The following ARVCF variants were observed in gnomAD, a reference collection of about 807,000 sequenced individuals.
The protein encoded by ARVCF is ARVCF delta catenin family member.
A neutral mutation model predicts 90.9 loss-of-function variants in ARVCF; 66 were observed. That is an observed-to-expected ratio of 0.73 (90% confidence interval 0.60 to 0.89). The LOEUF (loss-of-function observed/expected upper bound fraction) is 0.89. Ranked by LOEUF, ARVCF falls within the 40% of genes least tolerant of loss-of-function variation. The probability of loss-of-function intolerance (pLI) is 0.00; values close to 1 mark genes in which losing one functional copy is unlikely to be tolerated. For missense variants in ARVCF, 1,469 were observed against 1,382.3 expected, an observed-to-expected ratio of 1.06 and a Z score of -1.00; for synonymous variants, 653 against 603.4, an observed-to-expected ratio of 1.08 and a Z score of -1.21.
At chr22:19,975,295 G>T (rs142983856) in intron 11 of ARVCF, among the ~76,000 whole-genome samples, 1 of 152,334 alleles carries the variant, frequency 6.6e-6, no homozygotes, top group Non-Finnish European at 1.5e-5. Context: ...CCCAGCCTCT[G>T]AACCTGGATG....
downstream of ARVCF, chr22:19,965,378 T>G (rs1942333459): frequency 6.6e-6 from 1 of 152,226 alleles, no homozygotes; most frequent in Non-Finnish European, 1.5e-5. Flanking sequence ...AGTCTTGCTC[T>G]GTCACCAGGC....
Position 19,990,445 on chromosome 22 carries a change from G to T in ARVCF, c.210+140C>A, listed in dbSNP as rs144051912. 1.4e-5 allele frequency: 15 copies of T among 1,074,358 alleles called. No individual in the cohort carries two copies. The African/African-American group carries it at 1.4e-4, about 10-fold the overall frequency. The allele number at this position is 1,074,358 out of a possible 1,614,324, so 66.6% of individuals were successfully genotyped here. A position where few individuals can be genotyped will look rare whatever the true frequency, so the allele number is the denominator to read the frequency against. On this transcript the variant is annotated intron_variant, in intron 3 of 19. Coordinates refer to ENST00000263207, the MANE Select transcript of ARVCF (RefSeq NM_001670.3). ...AAGTGGGACTTCCAGCCCAACCTGG[G>T]ATCCCATTTTCCTTTCCTCCCCAGG...
downstream of ARVCF, chr22:19,969,212 T>C: frequency 6.2e-6 from 1 of 160,082 alleles, no homozygotes; most frequent in East Asian, 1.8e-4. Flanking sequence ...TCAGCCCTCC[T>C]GCAGCTAGGC....
intron 1 of ARVCF, among the ~76,000 whole-genome samples, chr22:20,015,991 C>T (rs1945093912): frequency 6.6e-6 from 1 of 152,192 alleles, no homozygotes; most frequent in African/African-American, 2.4e-5. Flanking sequence ...GTGGAGATGA[C>T]ATGTCTCCGC....
At position 19,971,211 on chromosome 22, in the gene ARVCF, C is replaced by T. The variant is rs561736400; in HGVS notation, c.*12+5G>A. ...GTGGACGAACAACCAGATGAGAGAACGTACCAGGCATGCAAGCTAGACCCA... is the reference window on the plus strand; with the variant it reads ...GTGGACGAACAACCAGATGAGAGAATGTACCAGGCATGCAAGCTAGACCCA... On this transcript the variant is annotated splice_donor_5th_base_variant and intron_variant, in intron 19 of 19. Coordinates refer to ENST00000263207, the MANE Select transcript of ARVCF (RefSeq NM_001670.3). 12 of 1,552,110 alleles carry T rather than the reference C, an allele frequency of 7.7e-6. No homozygotes were observed. The highest frequency in any genetic ancestry group is 3.9e-5 in the Admixed American group (2 of 51,092).
At chr22:20,016,415 G>T (rs1945163675) in intron 1 of ARVCF, among the ~76,000 whole-genome samples, 174 bp downstream of exon 1, 2 of 152,126 alleles carry the variant, frequency 1.3e-5, no homozygotes, top group South Asian at 2.1e-4. Flanking sequence ...GTGGGGCGGA[G>T]ATTGGCTCCG....
chr22:19,977,947 T>C lies in ARVCF; in HGVS notation c.1698+11A>G. On this transcript the variant is annotated intron_variant, in intron 8 of 19. Transcript: ENST00000263207. Reference sequence around the variant, plus strand: ...AGCCCTTGGTATGAGGCTGTGACCGTCCCTGCCCACCTTGTTGTCAGTGTC... The same window carrying C: ...AGCCCTTGGTATGAGGCTGTGACCGCCCCTGCCCACCTTGTTGTCAGTGTC... 1 of 1,598,090 alleles carries C rather than the reference T, an allele frequency of 6.3e-7. No homozygotes were observed. Among genetic ancestry groups the C allele is most frequent in the Non-Finnish European group, 8.5e-7 (1 of 1,171,776 alleles).
chr22:19,973,159 C>A lies in ARVCF; in HGVS notation c.2398G>T (p.Ala800Ser), dbSNP rs765817985. Residue 800 changes from alanine (A) to serine (S), a missense_variant, in exon 14 of 20, where the codon GCA (alanine) becomes TCA (serine). By Grantham distance (99) the Ala-to-Ser change is moderately conservative. Coordinates refer to ENST00000263207, the MANE Select transcript of ARVCF (RefSeq NM_001670.3). Reference protein sequence around the residue: ...SLDNARSLLQARGVPALVALV... With the variant: ...SLDNARSLLQSRGVPALVALV... ...GCCACCAACGCTGGCACCCCGCGTG[C>A]CTGCAGGAGCGAGCGCGCGTTATCC... 1.2e-5 allele frequency: 19 copies of A among 1,608,366 alleles called. No homozygotes were observed. In the East Asian group the frequency reaches 4.0e-4, roughly 34 times the overall value.
In ARVCF at chr22:19,970,756, A is replaced by G; in HGVS notation, c.*13-13T>C. 1.5e-6 allele frequency: 2 copies of G among 1,290,930 alleles called. No individual in the cohort carries two copies. Among genetic ancestry groups the G allele is most frequent in the Non-Finnish European group, 2.0e-6 (2 of 989,728 alleles). The allele number at this position is 1,290,930 out of a possible 1,614,324, so 80.0% of individuals were successfully genotyped here. A position where few individuals can be genotyped will look rare whatever the true frequency, so the allele number is the denominator to read the frequency against. On this transcript the variant is annotated splice_polypyrimidine_tract_variant and intron_variant, in intron 19 of 19. Transcript: ENST00000263207. Reference sequence around the variant, plus strand: ...CTGGGCCTGGGCCCTGCAGAGGGAAAGGGGATGGTGGACGCTGCAGCCACT... The same window carrying G: ...CTGGGCCTGGGCCCTGCAGAGGGAAGGGGGATGGTGGACGCTGCAGCCACT...
At chr22:19,987,983 G>C (rs920787818) in intron 3 of ARVCF, among the ~76,000 whole-genome samples, 1 of 152,146 alleles carries the variant, frequency 6.6e-6, no homozygotes, top group Non-Finnish European at 1.5e-5. Context: ...CCCCACAAAG[G>C]CCAAGCCAAT....
intron 2 of ARVCF, among the ~76,000 whole-genome samples, chr22:19,992,105 C>G (rs1038178144): frequency 6.6e-6 from 1 of 152,214 alleles, no homozygotes; most frequent in Non-Finnish European, 1.5e-5. Flanking sequence ...CAACACGGTG[C>G]GGGGACATGG....
rs1444125409 is a variant in ARVCF at position 19,970,739 on chromosome 22, G to T, written c.*17C>A. 1.1e-5 allele frequency: 14 copies of T among 1,290,562 alleles called. No homozygotes were observed. Among genetic ancestry groups the T allele is most frequent in the Admixed American group, 2.3e-5 (1 of 43,556 alleles). The allele number at this position is 1,290,562 out of a possible 1,614,324, so 79.9% of individuals were successfully genotyped here. A position where few individuals can be genotyped will look rare whatever the true frequency, so the allele number is the denominator to read the frequency against. ...GCCCTAAGAACAAGAGGCTGGGCCT[G>T]GGCCCTGCAGAGGGAAAGGGGATGG... On this transcript the variant is annotated 3_prime_UTR_variant, in exon 20 of 20. Coordinates refer to ENST00000263207, the MANE Select transcript of ARVCF (RefSeq NM_001670.3).
intron 10 of ARVCF, among the ~76,000 whole-genome samples, chr22:19,976,276 G>A (rs536375804): frequency 3.6e-4 from 55 of 152,254 alleles, no homozygotes; most frequent in South Asian, 1.5e-3. Flanking sequence ...GCTTGCACAC[G>A]TCTGTGACAG....
At position 19,971,222 on chromosome 22, in the gene ARVCF, T is replaced by C. The variant is rs779822547; in HGVS notation, c.*6A>G. On this transcript the variant is annotated 3_prime_UTR_variant, in exon 19 of 20. Transcript: ENST00000263207. ...ACCAGATGAGAGAACGTACCAGGCA[T>C]GCAAGCTAGACCCAGGAATCAACGG... is the stretch of plus-strand genomic sequence containing the variant. 7.1e-6 allele frequency: 11 copies of C among 1,552,780 alleles called. No homozygotes were observed. In the East Asian group the frequency reaches 7.3e-5, roughly 10 times the overall value.
intron 10 of ARVCF, 89 bp downstream of exon 10, chr22:19,976,617 G>C: frequency 1.3e-6 from 2 of 1,495,004 alleles, no homozygotes; most frequent in Admixed American, 4.0e-5. Context: ...CAGGGGTGGG[G>C]CAGGGCCCTG....
chr22:19,975,262 T>C (rs569900321), intron 11 of ARVCF, among the ~76,000 whole-genome samples: 2 of 152,312 alleles, frequency 1.3e-5, no homozygotes, highest in Non-Finnish European at 2.9e-5. Flanking sequence ...GGCACTGCCC[T>C]GTCCCTGCAG....
intron 1 of ARVCF, among the ~76,000 whole-genome samples, chr22:20,015,415 C>T (rs1408423917): frequency 2.6e-5 from 4 of 152,148 alleles, no homozygotes; most frequent in Non-Finnish European, 4.4e-5. Flanking sequence ...AGGAGCTGAC[C>T]GGCCACTGGC....
chr22:19,968,616 C>T (rs567830018), downstream of ARVCF: 44 of 1,613,960 alleles, frequency 2.7e-5, no homozygotes, highest in South Asian at 4.4e-5. Context: ...TCCTAGCACA[C>T]GTGCGCGGGA....
rs1236724843 is a variant in ARVCF, at chr22:19,970,749, G to A, written c.*13-6C>T. 3 of 1,291,100 alleles carry A rather than the reference G, an allele frequency of 2.3e-6. No homozygotes were observed. Among genetic ancestry groups the A allele is most frequent in the East Asian group, 1.1e-4 (2 of 18,034 alleles). 80.0% of individuals were successfully genotyped at this position (1,291,100 alleles called of 1,614,324 possible). A position where few individuals can be genotyped will look rare whatever the true frequency, so the allele number is the denominator to read the frequency against. On this transcript the variant is annotated splice_region_variant and splice_polypyrimidine_tract_variant and intron_variant, in intron 19 of 19. Transcript: ENST00000263207. Reference sequence around the variant, plus strand: ...CAAGAGGCTGGGCCTGGGCCCTGCAGAGGGAAAGGGGATGGTGGACGCTGC... The same window carrying A: ...CAAGAGGCTGGGCCTGGGCCCTGCAAAGGGAAAGGGGATGGTGGACGCTGC...
Sources: allele counts gnomAD v4.1 joint callset (sites outside exome capture counted in the v4.1 genomes callset), GRCh38; gene constraint gnomAD v4.1.1; transcripts MANE v1.5; gene names NCBI Gene and HGNC (gene_info 2026-07-23, HGNC 2026-07-21).